BCL2L12: variants seen among roughly 807,000 people sequenced by gnomAD.
The protein encoded by BCL2L12 is BCL2 like 12.
In BCL2L12, 27 loss-of-function variants were observed where a neutral mutation model predicts 25.7. That is an observed-to-expected ratio of 1.05 (90% CI 0.78 to 1.45). The LOEUF is 1.45. Ranked by LOEUF, BCL2L12 falls within the 40% of genes most tolerant of loss-of-function variation. BCL2L12 has a pLI of 0.00. For missense variants in BCL2L12, 302 were observed against 329.8 expected, an observed-to-expected ratio of 0.92 and a Z score of 0.65; for synonymous variants, 132 against 145.6, an observed-to-expected ratio of 0.91 and a Z score of 0.67.
chr19:49,668,770 C>T lies in BCL2L12; in HGVS notation c.251-81C>T, dbSNP rs927678534. 128 of 1,336,560 alleles carry T rather than the reference C, an allele frequency of 9.6e-5. No homozygotes were observed. The Admixed American group carries it at 1.1e-3, about 12-fold the overall frequency. The allele number at this position is 1,336,560 out of a possible 1,614,324, so 82.8% of individuals were successfully genotyped here. A position where few individuals can be genotyped will look rare whatever the true frequency, so the allele number is the denominator to read the frequency against. ...TAAATAAAATGGGAATCATTGCCAC[C>T]TGCCAAGGTAGTTGGGGGAAGGAGA... On this transcript the variant is annotated intron_variant, in intron 3 of 6. Transcript: ENST00000246784.
chr19:49,669,151 G>C (rs1256087389), intron 5 of BCL2L12, 36 bp downstream of exon 5: 2 of 1,607,798 alleles, frequency 1.2e-6, no homozygotes, highest in African/African-American at 2.7e-5. Flanking sequence ...GGCAAGGACA[G>C]GAGTTGCGGA....
intron 1 of BCL2L12, 146 bp from the exon 2 acceptor site, chr19:49,666,539 G>T: frequency 1.8e-6 from 1 of 570,216 alleles, no homozygotes. Flanking sequence ...GAGGACTCAA[G>T]AGTCTAGGCC....
At chr19:49,666,565 T>A in intron 1 of BCL2L12, 120 bp from the exon 2 acceptor site, 1 of 701,730 alleles carries the variant, frequency 1.4e-6, no homozygotes, top group African/African-American at 1.8e-5. Flanking sequence ...ACCCACACTC[T>A]CCAAAGGACC....
At position 49,666,161 on chromosome 19, in the gene BCL2L12, C is replaced by CA. The variant is rs2081745406; in HGVS notation, c.-9+96dup. ...ACCCCAGTCCCGCTTCTCTGATATC[C>CA]AAGGGTCCAGGGTCCTCTAGATTCC... On this transcript the variant is annotated intron_variant, in intron 1 of 6. Transcript: ENST00000246784. 3 of 1,439,838 alleles carry CA rather than the reference C, an allele frequency of 2.1e-6. No homozygotes were observed. In the Admixed American group the frequency reaches 6.9e-5, roughly 33 times the overall value. The allele number at this position is 1,439,838 out of a possible 1,614,324, so 89.2% of individuals were successfully genotyped here.
At chr19:49,673,273 A>G (rs749864771) in intron 6 of BCL2L12, among the ~76,000 whole-genome samples, 29 of 152,116 alleles carry the variant, frequency 1.9e-4, no homozygotes, top group South Asian at 1.0e-3. Context: ...TAAACCCACT[A>G]CAACCTCATG....
chr19:49,673,050 G>T (rs2122886663), intron 6 of BCL2L12, among the ~76,000 whole-genome samples: 1 of 152,284 alleles, frequency 6.6e-6, no homozygotes, highest in South Asian at 2.1e-4. Flanking sequence ...AGTTTTAGCA[G>T]AGACGGGGTT....
rs1337945093 is a variant in BCL2L12, at chr19:49,666,781, C to T, written c.89C>T (p.Pro30Leu). ...FLRRGEAAGS[P>L]VPTPPRSPAQ... ...AGGCGTGGTGAGGCTGCCGGGTCTCCTGTTCCAACTCCACCTAGGTAAGAG... is the reference window on the plus strand; with the variant it reads ...AGGCGTGGTGAGGCTGCCGGGTCTCTTGTTCCAACTCCACCTAGGTAAGAG... The change falls in exon 2 of 7, where the codon CCT becomes CTT. Residue 30 changes from proline to leucine, a missense_variant. Physicochemically the swap from Pro to Leu is moderately conservative, Grantham distance 98. Transcript: ENST00000246784. 6.4e-7 allele frequency: 1 copy of T among 1,558,940 alleles called. No homozygotes were observed. Among genetic ancestry groups the T allele is most frequent in the Non-Finnish European group, 8.7e-7 (1 of 1,150,854 alleles).
intron 1 of BCL2L12, 24 bp from the exon 2 acceptor site, chr19:49,666,661 A>C (rs989930561): frequency 2.0e-6 from 3 of 1,529,552 alleles, no homozygotes; most frequent in Admixed American, 4.1e-5. Flanking sequence ...CTTGGAGTCC[A>C]GTCCCTAACC....
chr19:49,673,850 T>G lies in BCL2L12; in HGVS notation c.*102T>G. ...TCCACTCAGGGCTGTGGGGTGGTGG[T>G]TGCCCTACCTGTTTTTGCCAAAAAT... On this transcript the variant is annotated 3_prime_UTR_variant, in exon 7 of 7. Coordinates refer to ENST00000246784, the MANE Select transcript of BCL2L12 (RefSeq NM_138639.2). The G allele has an allele frequency of 2.2e-6, 3 of 1,363,654 alleles. No individual in the cohort carries two copies. Among genetic ancestry groups the G allele is most frequent in the Non-Finnish European group, 2.0e-6 (2 of 980,268 alleles). The allele number at this position is 1,363,654 out of a possible 1,614,324, so 84.5% of individuals were successfully genotyped here. A position where few individuals can be genotyped will look rare whatever the true frequency, so the allele number is the denominator to read the frequency against.
intron 4 of BCL2L12, 27 bp from the exon 5 acceptor site, chr19:49,668,997 C>T (rs2081891040): frequency 1.9e-6 from 3 of 1,613,720 alleles, no homozygotes; most frequent in Non-Finnish European, 1.7e-6. Flanking sequence ...GGGTTCTGCC[C>T]CCAGCCAAAT....
At chr19:49,666,220 A>G (rs759696279) in intron 1 of BCL2L12, among the ~76,000 whole-genome samples, 153 bp downstream of exon 1, 6 of 152,242 alleles carry the variant, frequency 3.9e-5, no homozygotes, top group Non-Finnish European at 8.8e-5. Flanking sequence ...TACACCTCAC[A>G]GCAGGCTGCG....
rs1270982342 is a variant in BCL2L12 at position 49,666,738 on chromosome 19, G to A, written c.46G>A (p.Val16Ile). 1.3e-6 allele frequency: 2 copies of A among 1,559,096 alleles called. No homozygotes were observed. Among genetic ancestry groups the A allele is most frequent in the Non-Finnish European group, 8.7e-7 (1 of 1,150,762 alleles). Reference protein sequence around the residue: ...ELGLREDTLRVLAAFLRRGEA... With the variant: ...ELGLREDTLRILAAFLRRGEA... ...GGGGCTCCGGGAAGACACGCTGAGG[G>A]TCCTAGCTGCCTTCCTTAGGCGTGG... Residue 16 changes from valine to isoleucine, a missense_variant, in exon 2 of 7, where the codon GTC (valine) becomes ATC (isoleucine). By Grantham distance (29) the Val-to-Ile change is conservative (BLOSUM62 3). Transcript: ENST00000246784.
rs771834595 is a variant in BCL2L12, at chr19:49,666,678, C to T, written c.-8-7C>T. The T allele has an allele frequency of 7.1e-6, 11 of 1,549,036 alleles. No homozygotes were observed. The highest frequency in any genetic ancestry group is 1.4e-5 in the African/African-American group (1 of 72,974). ...TGGAGTCCAGTCCCTAACCCTCTCT[C>T]TCACAGGTGCCTCCATGGCAGGCTC... On this transcript the variant is annotated splice_polypyrimidine_tract_variant and splice_region_variant and intron_variant, in intron 1 of 6. Coordinates refer to ENST00000246784, the MANE Select transcript of BCL2L12 (RefSeq NM_138639.2).
intron 5 of BCL2L12, 50 bp from the exon 6 acceptor site, chr19:49,670,166 C>G: frequency 1.9e-6 from 3 of 1,576,954 alleles, no homozygotes; most frequent in Non-Finnish European, 2.6e-6. Context: ...CCTCTATTGG[C>G]TGGCCCCGGG....
Position 49,673,746 on chromosome 19 carries a change from T to C in BCL2L12, c.751T>C (p.Ter251ArgextTer43). 3 of 1,614,202 alleles carry C rather than the reference T, an allele frequency of 1.9e-6. No individual in the cohort carries two copies. Among genetic ancestry groups the C allele is most frequent in the Non-Finnish European group, 2.5e-6 (3 of 1,180,016 alleles). Residue 251 changes from the stop codon to arginine (R), a stop_lost, in exon 7 of 7, where the codon TGA (stop) becomes CGA (arginine). Transcript: ENST00000246784. ...SPVDLNLPLD[*>R] ...CGTGGACTTGAACTTGCCATTGGAC[T>C]GAGCTCTTTCTCAGAAGCTGCTACA...
Position 49,670,496 on chromosome 19 carries a change from G to T in BCL2L12, c.702+8G>T. The T allele has an allele frequency of 2.0e-6, 3 of 1,537,032 alleles. No individual in the cohort carries two copies. Among genetic ancestry groups the T allele is most frequent in the Non-Finnish European group, 2.6e-6 (3 of 1,144,122 alleles). ...CAGGCCCACGGGGGCTGGGTGAGCC[G>T]CTGAAGCCTCTCTCTCCGGGCCTCA... On this transcript the variant is annotated splice_region_variant and intron_variant, in intron 6 of 6. Transcript: ENST00000246784.
chr19:49,670,879 G>A (rs1255029746), intron 6 of BCL2L12, among the ~76,000 whole-genome samples: 2 of 152,172 alleles, frequency 1.3e-5, no homozygotes, highest in Admixed American at 1.3e-4. Flanking sequence ...ACTAGCCAGG[G>A]TCGGGTGCGG....
intron 5 of BCL2L12, 130 bp from the exon 6 acceptor site, chr19:49,670,086 T>G: frequency 7.9e-7 from 1 of 1,260,666 alleles, no homozygotes; most frequent in South Asian, 1.5e-5. Context: ...GATTGGCTAA[T>G]ATGGATGAGG....
intron 6 of BCL2L12, among the ~76,000 whole-genome samples, chr19:49,671,808 C>T (rs917930825): frequency 6.6e-5 from 10 of 152,118 alleles, no homozygotes; most frequent in Non-Finnish European, 1.0e-4. Flanking sequence ...GATGCCCTCC[C>T]GGGGAACCCC....
Sources: gnomAD v4.1 joint callset for allele counts (sites outside exome capture counted in the v4.1 genomes callset) on GRCh38, gnomAD v4.1.1 for gene constraint, MANE v1.5 for transcripts, NCBI Gene and HGNC (gene_info 2026-07-23, HGNC 2026-07-21) for gene names.